Variants in SCHIP1 observed in about 807,000 individuals in gnomAD.
SCHIP1 encodes the protein schwannomin-interacting protein 1.
SCHIP1 carries 8 observed loss-of-function variants against 29.7 expected under a neutral mutation model. The ratio of observed to expected loss-of-function variants is 0.27; its 90% CI spans 0.16 to 0.49. SCHIP1 has a LOEUF of 0.49. Ranked by LOEUF, SCHIP1 falls within the 20% of genes least tolerant of loss-of-function variation. SCHIP1 has a pLI of 0.99. For missense variants in SCHIP1, 193 were observed against 294.6 expected (o/e 0.66, Z 2.52); for synonymous variants, 76 against 94.9 (o/e 0.80, Z 1.16).
At chr3:159,344,653 C>T in the SCHIP1 span, among the ~76,000 whole-genome samples, 23 of 152,112 alleles carry the variant, frequency 1.5e-4, no homozygotes, top group African/African-American at 5.6e-4. Flanking sequence ...CAAGGAAAGT[C>T]TAATAAACTG....
chr3:159,559,005 A>C, the SCHIP1 span, among the ~76,000 whole-genome samples: 1 of 152,222 alleles, frequency 6.6e-6, no homozygotes, highest in Non-Finnish European at 1.5e-5. Context: ...CTTTTAAAAA[A>C]GAATCAAAAT....
the SCHIP1 span, among the ~76,000 whole-genome samples, chr3:159,813,493 C>T: frequency 6.6e-6 from 1 of 152,006 alleles, no homozygotes; most frequent in East Asian, 2.0e-4. Flanking sequence ...GAGTCTGAGA[C>T]CAGCCTGGGC....
At chr3:159,554,013 TGTGTGTTTGTG>T in the SCHIP1 span, among the ~76,000 whole-genome samples, 15 of 118,806 alleles carry the variant, frequency 1.3e-4, no homozygotes, top group African/African-American at 6.7e-4. Flanking sequence ...TGTGTGTGTG[TGTGTGTTTGTG>T]TATGTGTGTG....
At chr3:159,350,227 AAG>A in the SCHIP1 span, among the ~76,000 whole-genome samples, 1 of 152,134 alleles carries the variant, frequency 6.6e-6, no homozygotes, top group Non-Finnish European at 1.5e-5. Context: ...TCAGAGAAAC[AAG>A]AAAGTGGGAA....
the SCHIP1 span, among the ~76,000 whole-genome samples, chr3:159,795,100 G>A: frequency 6.6e-6 from 1 of 152,276 alleles, no homozygotes; most frequent in Non-Finnish European, 1.5e-5. Context: ...CTGTACTATA[G>A]AGCTGCGATA....
the SCHIP1 span, among the ~76,000 whole-genome samples, chr3:159,337,837 C>A: frequency 6.6e-6 from 1 of 152,154 alleles, no homozygotes; most frequent in Non-Finnish European, 1.5e-5. Flanking sequence ...ATTGTAAAAT[C>A]ATTATCTTCT....
At chr3:159,408,183 A>G in the SCHIP1 span, among the ~76,000 whole-genome samples, 1 of 152,086 alleles carries the variant, frequency 6.6e-6, no homozygotes, top group Non-Finnish European at 1.5e-5. Context: ...CTGTAGTAGC[A>G]GCTACTCAGG....
At chr3:159,585,879 G>C in the SCHIP1 span, among the ~76,000 whole-genome samples, 1 of 152,018 alleles carries the variant, frequency 6.6e-6, no homozygotes, top group Admixed American at 6.6e-5. Context: ...TCCCTGCTAG[G>C]CTGGAAAAAA....
chr3:159,848,874 G>A (rs1464604984), intron 1 of SCHIP1, among the ~76,000 whole-genome samples: 1 of 152,082 alleles, frequency 6.6e-6, no homozygotes, highest in African/African-American at 2.4e-5. Context: ...TCCTGAAAAC[G>A]GTGGCACAGC....
At chr3:159,510,400 G>T in the SCHIP1 span, among the ~76,000 whole-genome samples, 1 of 152,098 alleles carries the variant, frequency 6.6e-6, no homozygotes, top group African/African-American at 2.4e-5. Flanking sequence ...TAACTTATTT[G>T]CCATGGGTTC....
chr3:159,428,601 C>T, the SCHIP1 span, among the ~76,000 whole-genome samples: 10 of 151,084 alleles, frequency 6.6e-5, no homozygotes, highest in South Asian at 6.3e-4. Flanking sequence ...GTTGGTGGGA[C>T]TGTAAACTAG....
the SCHIP1 span, chr3:159,273,556 A>G: frequency 1.2e-5 from 15 of 1,237,066 alleles, no homozygotes; most frequent in South Asian, 3.6e-4. Context: ...AACACTGGCA[A>G]AAATCAGCAA....
the SCHIP1 span, among the ~76,000 whole-genome samples, chr3:159,301,765 G>A: frequency 7.2e-3 from 1,102 of 152,192 alleles, 8 homozygotes; most frequent in African/African-American, 0.025. Context: ...GTTTTCTGGG[G>A]CCTCCCCAGT....
At chr3:159,720,801 T>A in the SCHIP1 span, among the ~76,000 whole-genome samples, 4 of 152,160 alleles carry the variant, frequency 2.6e-5, no homozygotes, top group Non-Finnish European at 4.4e-5. Flanking sequence ...GCCAGACTGG[T>A]TGCAAACTCC....
chr3:159,498,737 G>T, the SCHIP1 span, among the ~76,000 whole-genome samples: 4 of 151,636 alleles, frequency 2.6e-5, no homozygotes. Context: ...ATTTATGATA[G>T]CAACCACTAG....
At chr3:159,488,468 A>G in the SCHIP1 span, among the ~76,000 whole-genome samples, 1 of 152,122 alleles carries the variant, frequency 6.6e-6, no homozygotes, top group Non-Finnish European at 1.5e-5. Flanking sequence ...TCTATTATAT[A>G]CCCACAAAAA....
the SCHIP1 span, among the ~76,000 whole-genome samples, chr3:159,725,123 G>C: frequency 1.3e-5 from 2 of 152,060 alleles, no homozygotes; most frequent in African/African-American, 4.8e-5. Flanking sequence ...AGTTTGATGC[G>C]GATGAGGAGC....
At chr3:159,288,122 A>G in the SCHIP1 span, among the ~76,000 whole-genome samples, 2 of 152,174 alleles carry the variant, frequency 1.3e-5, no homozygotes, top group Non-Finnish European at 2.9e-5. Flanking sequence ...TTGTAGAATC[A>G]TGTCATACGA....
At chr3:159,579,307 G>A in the SCHIP1 span, among the ~76,000 whole-genome samples, 51 of 152,144 alleles carry the variant, frequency 3.4e-4, no homozygotes, top group Non-Finnish European at 5.9e-4. Context: ...GTAGATGAGG[G>A]GTAATGAATT....
Sources: gnomAD v4.1 joint callset for allele counts (sites outside exome capture counted in the v4.1 genomes callset) on GRCh38, gnomAD v4.1.1 for gene constraint, MANE v1.5 for transcripts, NCBI Gene and HGNC (gene_info 2026-07-23, HGNC 2026-07-21) for gene names.